WDR41: variants seen among roughly 807,000 people sequenced by gnomAD.
WDR41 encodes WD repeat-containing protein 41.
In WDR41, 63 loss-of-function variants were observed where a neutral mutation model predicts 69.3. That is an observed-to-expected ratio of 0.91 (90% CI 0.74 to 1.12). WDR41 has a LOEUF of 1.12. Ranked by LOEUF, WDR41 falls within the 50% of genes most tolerant of loss-of-function variation. WDR41 has a pLI of 0.00. For missense variants in WDR41, 543 were observed against 534.5 expected, an observed-to-expected ratio of 1.02 and a Z score of -0.16; for synonymous variants, 185 against 192.1, an observed-to-expected ratio of 0.96 and a Z score of 0.31.
At chr5:77,582,117 G>A (rs1743949934) in intron 1 of WDR41, among the ~76,000 whole-genome samples, 1 of 151,940 alleles carries the variant, frequency 6.6e-6, no homozygotes, top group Admixed American at 6.6e-5. Context: ...AGTGAAGGGA[G>A]GACTCAACTT....
At position 77,431,059 on chromosome 5, in the gene WDR41, A is replaced by G. The variant is rs1026819639; in HGVS notation, c.*2076T>C. On this transcript the variant is annotated 3_prime_UTR_variant, in exon 13 of 13. Coordinates refer to ENST00000296679, the MANE Select transcript of WDR41 (RefSeq NM_018268.4). Reference sequence around the variant, plus strand: ...TGCTGTAAACATAGTTGAAATGACAACAAAGGATTTAGAATATTCTATAAA... The same window carrying G: ...TGCTGTAAACATAGTTGAAATGACAGCAAAGGATTTAGAATATTCTATAAA... 6.6e-6 allele frequency: 1 copy of G among 152,228 alleles called. No individual in the cohort carries two copies. Among genetic ancestry groups the G allele is most frequent in the Non-Finnish European group, 1.5e-5 (1 of 68,052 alleles). The allele number at this position is 152,228 out of a possible 1,614,324, so 9.4% of individuals were successfully genotyped here.
rs375682043 is a variant in WDR41 at position 77,507,739 on chromosome 5, T to A, written c.43-18167A>T. The stretch of plus-strand genomic sequence containing the variant: ...TTCATGATGTGACTAGGTATGGATC[T>A]CTTTGTTTATTCTACTTAGAGTTTA... On this transcript the variant is annotated intron_variant, in intron 1 of 5. Coordinates refer to the WDR41 transcript ENST00000509971. Among the ~76,000 whole-genome samples the A allele has an allele frequency of 2.6e-5, 4 of 152,228 alleles. No homozygotes were observed. The East Asian group carries it at 7.7e-4, about 29-fold the overall frequency.
chr5:77,511,539 A>G (rs1274056490), intron 1 of WDR41, among the ~76,000 whole-genome samples: 4 of 152,188 alleles, frequency 2.6e-5, no homozygotes, highest in Non-Finnish European at 5.9e-5. Context: ...AACCACAGTC[A>G]GCCAACACTG....
intron 2 of WDR41, among the ~76,000 whole-genome samples, chr5:77,468,042 T>C (rs939487627): frequency 6.6e-6 from 1 of 150,434 alleles, no homozygotes; most frequent in Non-Finnish European, 1.5e-5. Flanking sequence ...AAAACCCAAG[T>C]TGTTAAAAAT....
intron 1 of WDR41, among the ~76,000 whole-genome samples, chr5:77,597,744 A>G (rs1368188396): frequency 6.6e-6 from 1 of 152,222 alleles, no homozygotes; most frequent in Non-Finnish European, 1.5e-5. Context: ...GAATGAATGA[A>G]TGTACCCCAT....
chr5:77,594,146 T>G (rs898033866), intron 1 of WDR41, among the ~76,000 whole-genome samples: 5 of 151,842 alleles, frequency 3.3e-5, no homozygotes, highest in African/African-American at 1.2e-4. Flanking sequence ...ACCATCATTC[T>G]CAGCAAACTA....
rs969573058 is a variant in WDR41 at position 77,512,350 on chromosome 5, G to A, written c.43-22778C>T. ...GGTGAGTGAGAGAGAGAGAGAGAGAGAGTGAGTGTGTGTGTGTGTGTGTGT... is the reference window on the plus strand; with the variant it reads ...GGTGAGTGAGAGAGAGAGAGAGAGAAAGTGAGTGTGTGTGTGTGTGTGTGT... On this transcript the variant is annotated intron_variant, in intron 1 of 5. Coordinates refer to the WDR41 transcript ENST00000509971. 4.8e-5 allele frequency among the ~76,000 whole-genome samples: 6 copies of A among 125,040 alleles called. No individual in the cohort carries two copies. In the East Asian group the frequency reaches 1.6e-3, roughly 33 times the overall value. 82.0% of individuals were successfully genotyped at this position (125,040 alleles called of 152,430 possible).
intron 1 of WDR41, among the ~76,000 whole-genome samples, chr5:77,572,647 A>T (rs1204289418): frequency 1.3e-5 from 2 of 152,214 alleles, no homozygotes; most frequent in African/African-American, 4.8e-5. Context: ...ATGAATAGCC[A>T]GTCATCCAAT....
rs764631325 is a variant in WDR41 at position 77,512,331 on chromosome 5, T to TGAGAGAGAGAGAGAGA, written c.43-22775_43-22760dup. On this transcript the variant is annotated intron_variant, in intron 1 of 5. Transcript: ENST00000509971. ...ATGGTCTGTAATTACATGGGGTGAG[T>TGAGAGAGAGAGAGAGA]GAGAGAGAGAGAGAGAGAGAGTGAG... Among the ~76,000 whole-genome samples the TGAGAGAGAGAGAGAGA allele has an allele frequency of 5.9e-3, 517 of 87,568 alleles. 12 individuals carry two copies. Among genetic ancestry groups the TGAGAGAGAGAGAGAGA allele is most frequent in the Admixed American group, 0.019 (143 of 7,668 alleles). The allele number at this position is 87,568 out of a possible 152,430, so 57.4% of individuals were successfully genotyped here. A position where few individuals can be genotyped will look rare whatever the true frequency, so the allele number is the denominator to read the frequency against.
chr5:77,500,904 G>A (rs1458113487), intron 1 of WDR41, among the ~76,000 whole-genome samples: 1 of 152,230 alleles, frequency 6.6e-6, no homozygotes, highest in African/African-American at 2.4e-5. Context: ...TATTTCAGGA[G>A]GTTCCAAGAT....
At chr5:77,512,331 T>TGAGTGA (rs1554034068) in intron 1 of WDR41, among the ~76,000 whole-genome samples, 12 of 87,928 alleles carry the variant, frequency 1.4e-4, no homozygotes, top group African/African-American at 5.7e-4. Flanking sequence ...ATGGGGTGAG[T>TGAGTGA]GAGAGAGAGA....
At chr5:77,520,562 T>C (rs1802356421) in intron 1 of WDR41, among the ~76,000 whole-genome samples, 2 of 152,146 alleles carry the variant, frequency 1.3e-5, no homozygotes. Flanking sequence ...AGAATGACCA[T>C]CTCTATCACC....
chr5:77,438,220 G>A lies in WDR41; in HGVS notation c.1004+20C>T. ...CTGTGACTTGCTTTCATCTATTGCA[G>A]AACAGATGGGAACTTGTACCTGTTT... On this transcript the variant is annotated intron_variant, in intron 10 of 12. Coordinates refer to ENST00000296679, the MANE Select transcript of WDR41 (RefSeq NM_018268.4). The A allele has an allele frequency of 2.5e-6, 4 of 1,613,606 alleles. No homozygotes were observed. The highest frequency in any genetic ancestry group is 3.4e-6 in the Non-Finnish European group (4 of 1,179,658).
At position 77,489,581 on chromosome 5, in the gene WDR41, G is replaced by GT. The variant is rs1554032662; in HGVS notation, c.52-10_52-9insA. 27 of 1,003,196 alleles carry GT rather than the reference G, an allele frequency of 2.7e-5. No individual in the cohort carries two copies. The highest frequency in any genetic ancestry group is 3.7e-5 in the Non-Finnish European group (27 of 733,536). The allele number at this position is 1,003,196 out of a possible 1,614,324, so 62.1% of individuals were successfully genotyped here. Reference sequence around the variant, plus strand: ...GTCTGTAAAGGAGATTTCTTGTATTGAAAAAAAAAAAAAAGCAAAAAACAA... The same window carrying GT: ...GTCTGTAAAGGAGATTTCTTGTATTGTAAAAAAAAAAAAAAGCAAAAAACAA... On this transcript the variant is annotated splice_polypyrimidine_tract_variant and intron_variant, in intron 1 of 12. Coordinates refer to ENST00000296679, the MANE Select transcript of WDR41 (RefSeq NM_018268.4).
chr5:77,558,051 G>C (rs1743441631), intron 1 of WDR41, among the ~76,000 whole-genome samples: 1 of 142,656 alleles, frequency 7.0e-6, no homozygotes, highest in South Asian at 2.2e-4. Context: ...CTTTAAGTAG[G>C]GAGGGAAGAA....
intron 1 of WDR41, among the ~76,000 whole-genome samples, chr5:77,497,843 A>C (rs1801957461): frequency 6.6e-6 from 1 of 152,224 alleles, no homozygotes; most frequent in African/African-American, 2.4e-5. Context: ...GAGACATCCC[A>C]AGTGTCCATC....
At chr5:77,487,598 A>C (rs1801577135) in intron 2 of WDR41, among the ~76,000 whole-genome samples, 1 of 152,218 alleles carries the variant, frequency 6.6e-6, no homozygotes, top group Non-Finnish European at 1.5e-5. Context: ...TCTGGTTCCT[A>C]GAAGGGAGTC....
At chr5:77,539,768 A>G (rs953023665) in intron 1 of WDR41, among the ~76,000 whole-genome samples, 1 of 152,216 alleles carries the variant, frequency 6.6e-6, no homozygotes, top group Non-Finnish European at 1.5e-5. Flanking sequence ...AAACACCACA[A>G]TAGTGACAAG....
At chr5:77,478,998 G>A (rs1325629142) in intron 2 of WDR41, among the ~76,000 whole-genome samples, 1 of 151,772 alleles carries the variant, frequency 6.6e-6, no homozygotes, top group Admixed American at 6.6e-5. Context: ...CAAAATCAAT[G>A]TGCAAAAATC....
Sources: allele counts gnomAD v4.1 joint callset (sites outside exome capture counted in the v4.1 genomes callset), GRCh38; gene constraint gnomAD v4.1.1; transcripts MANE v1.5; gene names NCBI Gene and HGNC (gene_info 2026-07-23, HGNC 2026-07-21).